ECE1: variants seen among roughly 807,000 people sequenced by gnomAD.
ECE1 encodes endothelin-converting enzyme 1.
Under a neutral mutation model 98.6 loss-of-function variants are expected in ECE1, and 35 were observed. The observed-to-expected ratio is 0.35, with a 90% CI of 0.27 to 0.47. ECE1 has a LOEUF of 0.47. Among genes scored for constraint, ECE1 ranks in the 20% least tolerant of loss-of-function variants. The pLI is 1.00. For synonymous variants in ECE1, 394 were observed against 407.1 expected, an observed-to-expected ratio of 0.97 and a Z score of 0.39; for missense variants, 814 against 1,025.3, an observed-to-expected ratio of 0.79 and a Z score of 2.81.
chr1:21,220,051 G>C lies in ECE1; in HGVS notation c.2217C>G (p.Val739=), dbSNP rs1401089460. ...CCTTGGAATTGGAGAGGGAGCCGAT[G>C]ACCCGGAAGCGAGAGGGGCTGTGGG... The part of the protein sequence containing the change: ...TDPHSPSRFR[V]IGSLSNSKEF... Residue 739 remains valine (V), a synonymous_variant, in exon 19 of 19, where the codon GTC becomes GTG. Transcript: ENST00000374893. The surrounding 1 kb of genome is among the most constrained non-coding windows in gnomAD (Gnocchi z 5.0). 1.2e-6 allele frequency: 2 copies of C among 1,614,114 alleles called. No homozygotes were observed. Among genetic ancestry groups the C allele is most frequent in the African/African-American group, 2.7e-5 (2 of 74,942 alleles).
chr1:21,226,742 T>C (rs866451984), intron 16 of ECE1, among the ~76,000 whole-genome samples: 1 of 152,216 alleles, frequency 6.6e-6, no homozygotes, highest in African/African-American at 2.4e-5. Flanking sequence ...ATTTTATTTT[T>C]TGAGATGGAG....
intron 18 of ECE1, among the ~76,000 whole-genome samples, chr1:21,221,429 C>A (rs2098167355): frequency 6.6e-6 from 1 of 152,130 alleles, no homozygotes; most frequent in Non-Finnish European, 1.5e-5. Context: ...GCCTCGGCCG[C>A]CCAAAGTGCT....
chr1:21,261,879 G>T lies in ECE1; in HGVS notation c.494-1487C>A, dbSNP rs1211415016. Among the ~76,000 whole-genome samples the T allele has an allele frequency of 2.6e-5, 4 of 152,324 alleles. No homozygotes were observed. In the East Asian group the frequency reaches 7.7e-4, roughly 29 times the overall value. On this transcript the variant is annotated intron_variant, in intron 4 of 18. Coordinates refer to ENST00000374893, the MANE Select transcript of ECE1 (RefSeq NM_001397.3). ...AGAGGCCACTGGGTTGCGCGGAGCA[G>T]GACAGGACAGTGTGGGGACAAGCGG...
chr1:21,282,746 C>T (rs2098256258), intron 2 of ECE1, among the ~76,000 whole-genome samples: 1 of 151,514 alleles, frequency 6.6e-6, no homozygotes, highest in Non-Finnish European at 1.5e-5. Flanking sequence ...GACAAGGAGA[C>T]AGCTAAGAGC....
intron 1 of ECE1, among the ~76,000 whole-genome samples, chr1:21,311,733 T>G (rs1235650847): frequency 1.3e-5 from 2 of 151,946 alleles, no homozygotes; most frequent in Non-Finnish European, 2.9e-5. Flanking sequence ...GAGGATTGCT[T>G]GAGCCCTAGG....
In ECE1 at chr1:21,235,937, A is replaced by G. The variant is rs749911174; in HGVS notation, c.1489-10T>C. ...TGTAGATGGCATCGGCCTGGACAGG[A>G]CAGACAGAGGAAGTGAGTGCCCGGC... On this transcript the variant is annotated splice_polypyrimidine_tract_variant and intron_variant, in intron 12 of 18. Transcript: ENST00000374893. This position sits in a 1 kb window ranked among gnomAD's most constrained non-coding sequence, Gnocchi z 4.2. The G allele has an allele frequency of 1.9e-6, 3 of 1,613,848 alleles. No homozygotes were observed. The highest frequency in any genetic ancestry group is 2.2e-5 in the South Asian group (2 of 91,084).
chr1:21,219,053 T>C lies in ECE1; in HGVS notation c.*902A>G, dbSNP rs2098164183. On this transcript the variant is annotated 3_prime_UTR_variant, in exon 19 of 19. Transcript: ENST00000374893. This position sits in a 1 kb window ranked among gnomAD's most constrained non-coding sequence, Gnocchi z 4.5. ...GGGGACACTTGTGGCCAGCAGTGTATCTCTGACACAGTCTCACCCCGCAGG... is the reference window on the plus strand; with the variant it reads ...GGGGACACTTGTGGCCAGCAGTGTACCTCTGACACAGTCTCACCCCGCAGG... 6.6e-6 allele frequency: 1 copy of C among 152,314 alleles called. No individual in the cohort carries two copies. The highest frequency in any genetic ancestry group is 1.5e-5 in the Non-Finnish European group (1 of 68,146). 9.4% of individuals were successfully genotyped at this position (152,314 alleles called of 1,614,324 possible). A position where few individuals can be genotyped will look rare whatever the true frequency, so the allele number is the denominator to read the frequency against.
intron 8 of ECE1, among the ~76,000 whole-genome samples, chr1:21,252,506 T>A (rs1054610181): frequency 6.6e-6 from 1 of 152,226 alleles, no homozygotes; most frequent in African/African-American, 2.4e-5. Flanking sequence ...CTGAGCTTCA[T>A]CTCAGCTGGA....
chr1:21,227,943 C>CGTG lies in ECE1; in HGVS notation c.1766_1768dup (p.Thr589_Arg590insPro), dbSNP rs1558367988. On this transcript the variant is annotated inframe_insertion, in exon 15 of 19. Coordinates refer to ENST00000374893, the MANE Select transcript of ECE1 (RefSeq NM_001397.3). ...AGAGGCAGCCTACTTGGGTGAGGAG[C>CGTG]GTGTGTAGAATGGTGCCTGCAGGAT... 6.4e-7 allele frequency: 1 copy of CGTG among 1,553,112 alleles called. No individual in the cohort carries two copies. The highest frequency in any genetic ancestry group is 1.2e-5 in the South Asian group (1 of 84,236).
rs144075693 is a variant in ECE1, at chr1:21,306,398, G to A, written c.4-16242C>T. The stretch of plus-strand genomic sequence containing the variant: ...GTTGCCCAGGCTGGAGTGCAATGGC[G>A]TGATCTCAGCTCACTGCAACCTCCG... On this transcript the variant is annotated intron_variant, in intron 1 of 18. Coordinates refer to the ECE1 transcript ENST00000415912. Among the ~76,000 whole-genome samples the A allele has an allele frequency of 3.4e-3, 514 of 151,454 alleles. 4 individuals are homozygous for A. Among genetic ancestry groups the A allele is most frequent in the African/African-American group, 0.012 (485 of 41,178 alleles).
At chr1:21,310,495 G>A (rs1431115760) in intron 1 of ECE1, among the ~76,000 whole-genome samples, 1 of 152,148 alleles carries the variant, frequency 6.6e-6, no homozygotes, top group African/African-American at 2.4e-5. Context: ...AACTCAGTAG[G>A]CGTGTCCCAT....
chr1:21,278,931 G>A (rs2098250958), intron 3 of ECE1, among the ~76,000 whole-genome samples: 1 of 152,172 alleles, frequency 6.6e-6, no homozygotes, highest in African/African-American at 2.4e-5. Flanking sequence ...CAGGCTGAGG[G>A]AATAAGTGAC....
At chr1:21,262,972 A>T (rs2098228985) in intron 4 of ECE1, among the ~76,000 whole-genome samples, 1 of 152,218 alleles carries the variant, frequency 6.6e-6, no homozygotes, top group Non-Finnish European at 1.5e-5. Flanking sequence ...TGAGTGAGGC[A>T]AACGGCAGCC....
chr1:21,263,623 G>A (rs1434470415), intron 4 of ECE1, among the ~76,000 whole-genome samples: 1 of 151,914 alleles, frequency 6.6e-6, no homozygotes, highest in Non-Finnish European at 1.5e-5. Flanking sequence ...CCAAATGCTG[G>A]GATTACAGGC....
rs1007635073 is a variant in ECE1, at chr1:21,245,004, C to T, written c.1263G>A (p.Met421Ile). ...QDADEKFMEV[M>I]YGTKKTCLPR... ...GCAGGCTCACCTTCTTGGTCCCGTA[C>T]ATGACTTCCATGAACTTCTCATCGG... The change falls in exon 10 of 19, where the codon ATG becomes ATA. Residue 421 changes from methionine (M) to isoleucine (I), a missense_variant. Met to Ile is a conservative substitution (Grantham distance 10). This residue lies in a region of ECE1 where 452 missense variants were observed against 567.3 expected (regional missense o/e 0.80). Coordinates refer to ENST00000374893, the MANE Select transcript of ECE1 (RefSeq NM_001397.3). 6.2e-7 allele frequency: 1 copy of T among 1,614,194 alleles called. No homozygotes were observed. Among genetic ancestry groups the T allele is most frequent in the South Asian group, 1.1e-5 (1 of 91,086 alleles).
At position 21,256,424 on chromosome 1, in the gene ECE1, G is replaced by A. The variant is rs924216298; in HGVS notation, c.829-286C>T. Among the ~76,000 whole-genome samples, 5 of 152,102 alleles carry A rather than the reference G, an allele frequency of 3.3e-5. No homozygotes were observed. The East Asian group carries it at 9.6e-4, about 29-fold the overall frequency. On this transcript the variant is annotated intron_variant, in intron 7 of 18. Coordinates refer to ENST00000374893, the MANE Select transcript of ECE1 (RefSeq NM_001397.3). ...TACAAAAATTAGCTGAGCATAGTGG[G>A]AGGTGCCTATAATCCCAGCTACTCA... is the stretch of plus-strand genomic sequence containing the variant.
intron 1 of ECE1, among the ~76,000 whole-genome samples, chr1:21,335,392 G>A (rs1037836430): frequency 2.0e-5 from 3 of 152,202 alleles, no homozygotes; most frequent in Admixed American, 2.0e-4. Flanking sequence ...CAGCTCCTTA[G>A]GGGCAGGCAT....
At chr1:21,222,650 G>A (rs2098168926) in intron 17 of ECE1, among the ~76,000 whole-genome samples, 1 of 151,964 alleles carries the variant, frequency 6.6e-6, no homozygotes, top group Non-Finnish European at 1.5e-5. Flanking sequence ...AGACCAGCCT[G>A]GCCAACATGG....
At chr1:21,244,786 A>G (rs1029457059) in intron 10 of ECE1, among the ~76,000 whole-genome samples, 1 of 152,140 alleles carries the variant, frequency 6.6e-6, no homozygotes, top group Admixed American at 6.5e-5. Flanking sequence ...GGGAGCATCT[A>G]TCATCACTAC....
Sources: allele counts gnomAD v4.1 joint callset (sites outside exome capture counted in the v4.1 genomes callset), GRCh38; gene constraint gnomAD v4.1.1; regional missense constraint gnomAD v4.1.1; non-coding constraint Gnocchi (gnomAD v3.1); transcripts MANE v1.5; gene names NCBI Gene and HGNC (gene_info 2026-07-23, HGNC 2026-07-21).